GALNT13: variants seen among roughly 807,000 people sequenced by gnomAD.
GALNT13 encodes polypeptide N-acetylgalactosaminyltransferase 13, also known as UDP-GalNAc:polypeptide N-acetylgalactosaminyltransferase 13.
In GALNT13, 28 loss-of-function variants were observed where a neutral mutation model predicts 64.2. That is an observed-to-expected ratio of 0.44 (90% confidence interval 0.32 to 0.60). The LOEUF (loss-of-function observed/expected upper bound fraction) is 0.60, where lower values mean the gene tolerates loss of function less well. Ranked by LOEUF, GALNT13 falls within the 20% of genes least tolerant of loss-of-function variation. The probability of loss-of-function intolerance (pLI) is 0.05; values close to 1 mark genes in which losing one functional copy is unlikely to be tolerated. For synonymous variants in GALNT13, 214 were observed against 224.6 expected (o/e 0.95, Z 0.42); for missense variants, 577 against 669.8 (o/e 0.86, Z 1.53).
chr2:154,359,298 A>G (rs1041239645), intron 9 of GALNT13, among the ~76,000 whole-genome samples: 2 of 152,100 alleles, frequency 1.3e-5, no homozygotes, highest in Non-Finnish European at 2.9e-5. Flanking sequence ...ACTGAGATTC[A>G]AACACTAGGA....
chr2:153,877,547 A>G (rs1686466764), intron 1 of GALNT13, among the ~76,000 whole-genome samples: 1 of 152,150 alleles, frequency 6.6e-6, no homozygotes, highest in South Asian at 2.1e-4. Context: ...ATTACAAGCA[A>G]AGCACCTCTT....
chr2:154,225,287 T>G (rs1688558821), intron 4 of GALNT13, among the ~76,000 whole-genome samples: 1 of 152,118 alleles, frequency 6.6e-6, no homozygotes, highest in South Asian at 2.1e-4. Context: ...AAGTTAAAAC[T>G]GTACTGAGAT....
chr2:153,476,676 G>C, the GALNT13 span, among the ~76,000 whole-genome samples: 1 of 152,206 alleles, frequency 6.6e-6, no homozygotes, highest in East Asian at 1.9e-4. Flanking sequence ...CCCTTTGCCT[G>C]GTCTGGGGCA....
chr2:153,933,450 G>A (rs1047662130), intron 2 of GALNT13, among the ~76,000 whole-genome samples: 2 of 152,076 alleles, frequency 1.3e-5, no homozygotes, highest in Non-Finnish European at 2.9e-5. Flanking sequence ...TTGAGCCTAT[G>A]GGTATCATTG....
chr2:154,319,669 A>AC (rs1454487320), intron 9 of GALNT13, among the ~76,000 whole-genome samples: 1 of 152,062 alleles, frequency 6.6e-6, no homozygotes, highest in East Asian at 1.9e-4. Context: ...TGAAAAAAAA[A>AC]AAAAGAAAAA....
At chr2:153,142,792 T>C in the GALNT13 span, among the ~76,000 whole-genome samples, 3 of 151,930 alleles carry the variant, frequency 2.0e-5, no homozygotes, top group Non-Finnish European at 4.4e-5. Context: ...AGCTTTGTCT[T>C]GTTGAGCTCA....
intron 1 of GALNT13, among the ~76,000 whole-genome samples, 172 bp downstream of exon 1, chr2:153,872,475 C>A (rs1001479364): frequency 3.3e-5 from 5 of 151,996 alleles, no homozygotes; most frequent in Non-Finnish European, 5.9e-5. Context: ...CGCGGGCGGA[C>A]CTGGCGACGC....
intron 3 of GALNT13, among the ~76,000 whole-genome samples, chr2:154,092,625 G>A (rs1230242248): frequency 5.9e-5 from 9 of 152,026 alleles, no homozygotes; most frequent in Non-Finnish European, 1.3e-4. Context: ...AGAATAAGAA[G>A]TGGCTTGAAG....
At chr2:153,423,007 A>G in the GALNT13 span, among the ~76,000 whole-genome samples, 1 of 151,996 alleles carries the variant, frequency 6.6e-6, no homozygotes, top group South Asian at 2.1e-4. Context: ...CAGCTCCTCA[A>G]CAATTTTATA....
At chr2:153,404,523 T>C in the GALNT13 span, among the ~76,000 whole-genome samples, 1 of 152,064 alleles carries the variant, frequency 6.6e-6, no homozygotes. Flanking sequence ...GATTTTTTTT[T>C]TACTTTAGAA....
the GALNT13 span, among the ~76,000 whole-genome samples, chr2:153,622,059 T>G: frequency 1.3e-5 from 2 of 152,176 alleles, no homozygotes; most frequent in African/African-American, 4.8e-5. Context: ...GGTAAGTATT[T>G]ATGCTGATAG....
chr2:153,950,385 G>GA (rs899926613), intron 3 of GALNT13, among the ~76,000 whole-genome samples: 65 of 151,976 alleles, frequency 4.3e-4, no homozygotes, highest in African/African-American at 1.5e-3. Flanking sequence ...ACTTTACTTG[G>GA]AAAAATGCAG....
At chr2:153,547,848 T>C in the GALNT13 span, among the ~76,000 whole-genome samples, 1 of 152,200 alleles carries the variant, frequency 6.6e-6, no homozygotes. Context: ...TTAAAAGCAC[T>C]TACTCTTGAC....
Position 154,438,832 on chromosome 2 carries a change from A to G in GALNT13, c.1530+106A>G, listed in dbSNP as rs74558103. 4.4e-3 allele frequency: 4,036 copies of G among 921,260 alleles called. 77 individuals carry two copies. Among genetic ancestry groups the G allele is most frequent in the South Asian group, 0.037 (1,966 of 53,546 alleles). The allele number at this position is 921,260 out of a possible 1,614,324, so 57.1% of individuals were successfully genotyped here. On this transcript the variant is annotated intron_variant, in intron 12 of 12. Transcript: ENST00000392825. ...GCTGGTTTTTATCTACATTGGCAGAATTAGATTTTCAAGCATGCAGGCTCA... is the reference window on the plus strand; with the variant it reads ...GCTGGTTTTTATCTACATTGGCAGAGTTAGATTTTCAAGCATGCAGGCTCA...
intron 3 of GALNT13, among the ~76,000 whole-genome samples, chr2:153,956,539 C>T (rs1323809208): frequency 6.6e-6 from 1 of 152,046 alleles, no homozygotes; most frequent in Non-Finnish European, 1.5e-5. Flanking sequence ...TCATTTTACT[C>T]TAGGGCAAGA....
At chr2:153,519,473 A>T in the GALNT13 span, among the ~76,000 whole-genome samples, 1 of 152,172 alleles carries the variant, frequency 6.6e-6, no homozygotes, top group South Asian at 2.1e-4. Flanking sequence ...TTGCAGCGCC[A>T]CCTGCTGGTC....
At chr2:154,150,357 A>G (rs1159127526) in intron 4 of GALNT13, among the ~76,000 whole-genome samples, 1 of 151,204 alleles carries the variant, frequency 6.6e-6, no homozygotes, top group Non-Finnish European at 1.5e-5. Flanking sequence ...TTTTTGCTTC[A>G]ATGTTCATCA....
chr2:153,351,310 T>A, the GALNT13 span, among the ~76,000 whole-genome samples: 1 of 152,190 alleles, frequency 6.6e-6, no homozygotes, highest in Non-Finnish European at 1.5e-5. Context: ...TATTAGGCTA[T>A]TTTCTAGAGC....
the GALNT13 span, among the ~76,000 whole-genome samples, chr2:153,681,253 C>G: frequency 6.6e-6 from 1 of 151,744 alleles, no homozygotes; most frequent in Non-Finnish European, 1.5e-5. Context: ...CAGTAGTTAG[C>G]CCAAACCAAG....
Sources: allele counts gnomAD v4.1 joint callset (sites outside exome capture counted in the v4.1 genomes callset), GRCh38; gene constraint gnomAD v4.1.1; transcripts MANE v1.5; gene names NCBI Gene and HGNC (gene_info 2026-07-23, HGNC 2026-07-21).